Variants in JDP2 observed in about 807,000 individuals in gnomAD.
JDP2 encodes the protein progesterone receptor co-activator.
A neutral mutation model predicts 17.1 loss-of-function variants in JDP2; 9 were observed. The observed-to-expected ratio is 0.53, with a 90% CI of 0.32 to 0.92. JDP2 has a LOEUF of 0.92. Ranked by LOEUF, JDP2 falls within the 40% of genes least tolerant of loss-of-function variation. The probability of loss-of-function intolerance (pLI) is 0.04; values close to 1 mark genes in which losing one functional copy is unlikely to be tolerated. For missense variants in JDP2, 179 were observed against 220.0 expected, an observed-to-expected ratio of 0.81 and a Z score of 1.18; for synonymous variants, 107 against 95.6, an observed-to-expected ratio of 1.12 and a Z score of -0.69.
At chr14:75,439,870 A>T (rs1125773) in intron 2 of JDP2, among the ~76,000 whole-genome samples, 2 of 152,038 alleles carry the variant, frequency 1.3e-5, no homozygotes, top group East Asian at 3.9e-4. Context: ...ATTTAGAGCC[A>T]GTAGCTGAGC....
At chr14:75,459,963 C>G (rs1008696620) in intron 2 of JDP2, among the ~76,000 whole-genome samples, 1 of 152,178 alleles carries the variant, frequency 6.6e-6, no homozygotes, top group Non-Finnish European at 1.5e-5. Context: ...GTTGTATGGC[C>G]TTGGGCAAAT....
chr14:75,447,826 T>C (rs1238664871), intron 2 of JDP2, among the ~76,000 whole-genome samples: 2 of 152,034 alleles, frequency 1.3e-5, no homozygotes, highest in Non-Finnish European at 2.9e-5. Context: ...CCTGGCTAAT[T>C]TTTGTATTTT....
At chr14:75,431,185 C>T (rs913988921) in intron 1 of JDP2, among the ~76,000 whole-genome samples, 8 of 152,206 alleles carry the variant, frequency 5.3e-5, no homozygotes, top group East Asian at 1.9e-4. Context: ...GTTGTACGCT[C>T]CCAGCTTCCT....
At chr14:75,443,545 A>G (rs1363545504) in intron 2 of JDP2, among the ~76,000 whole-genome samples, 2 of 151,968 alleles carry the variant, frequency 1.3e-5, no homozygotes, top group Non-Finnish European at 2.9e-5. Context: ...TTGTTAGCAC[A>G]TTTTCGAAAG....
At position 75,473,405 on chromosome 14, in the gene JDP2, G is replaced by A. The variant is rs552764385; in HGVS notation, c.*3930G>A. On this transcript the variant is annotated 3_prime_UTR_variant, in exon 4 of 4. Coordinates refer to ENST00000651602, the MANE Select transcript of JDP2 (RefSeq NM_001135048.2). Reference sequence around the variant, plus strand: ...AGATATGCTGCCAGTGAGAAACTGTGCAAAGCAATTTGGAAATAACCAGTA... The same window carrying A: ...AGATATGCTGCCAGTGAGAAACTGTACAAAGCAATTTGGAAATAACCAGTA... The A allele has an allele frequency of 2.0e-5, 3 of 152,130 alleles. No homozygotes were observed. The highest frequency in any genetic ancestry group is 4.4e-5 in the Non-Finnish European group (3 of 68,018). The allele number at this position is 152,130 out of a possible 1,614,324, so 9.4% of individuals were successfully genotyped here. A position where few individuals can be genotyped will look rare whatever the true frequency, so the allele number is the denominator to read the frequency against.
At chr14:75,448,714 C>T (rs1885718852) in intron 2 of JDP2, among the ~76,000 whole-genome samples, 1 of 152,196 alleles carries the variant, frequency 6.6e-6, no homozygotes, top group Non-Finnish European at 1.5e-5. Context: ...CGCTGCCGAG[C>T]TTGTCAATAG....
At chr14:75,452,927 TAAG>T (rs1035955091) in intron 2 of JDP2, among the ~76,000 whole-genome samples, 2 of 152,194 alleles carry the variant, frequency 1.3e-5, no homozygotes, top group Non-Finnish European at 2.9e-5. Context: ...GGCCACTGAG[TAAG>T]AAGGCCTGGC....
chr14:75,433,714 C>T (rs1384802540), intron 1 of JDP2, among the ~76,000 whole-genome samples: 2 of 152,104 alleles, frequency 1.3e-5, no homozygotes, highest in East Asian at 1.9e-4. Context: ...GCTAGTCAGT[C>T]GCCATCTTGG....
intron 2 of JDP2, among the ~76,000 whole-genome samples, chr14:75,444,191 A>G (rs1475756000): frequency 6.6e-6 from 1 of 152,234 alleles, no homozygotes; most frequent in Non-Finnish European, 1.5e-5. Context: ...GGCGTGAGCC[A>G]CCAACCCCTG....
chr14:75,457,522 G>A (rs564023385), intron 2 of JDP2, among the ~76,000 whole-genome samples: 1 of 152,376 alleles, frequency 6.6e-6, no homozygotes, highest in South Asian at 2.1e-4. Context: ...AGGATTTAGG[G>A]GTGATGCAGC....
At chr14:75,459,244 C>T (rs1337244183) in intron 2 of JDP2, among the ~76,000 whole-genome samples, 2 of 152,218 alleles carry the variant, frequency 1.3e-5, no homozygotes, top group African/African-American at 4.8e-5. Context: ...CTCTGCCTGT[C>T]GTCACGGTTA....
At chr14:75,432,088 T>C (rs1884824981) in intron 1 of JDP2, 1 of 576,146 alleles carries the variant, frequency 1.7e-6, no homozygotes, top group African/African-American at 1.9e-5. Flanking sequence ...AAACCGCCAC[T>C]CTTAACCCCC....
intron 1 of JDP2, among the ~76,000 whole-genome samples, chr14:75,436,263 C>G (rs139558068): frequency 6.6e-6 from 1 of 152,176 alleles, no homozygotes; most frequent in Non-Finnish European, 1.5e-5. Flanking sequence ...GTGGGTCACC[C>G]TCCAAGGCCA....
Position 75,472,165 on chromosome 14 carries a change from G to A in JDP2, c.*2690G>A, listed in dbSNP as rs1310130749. The A allele has an allele frequency of 6.6e-6, 1 of 152,230 alleles. No individual in the cohort carries two copies. The highest frequency in any genetic ancestry group is 2.4e-5 in the African/African-American group (1 of 41,448). 9.4% of individuals were successfully genotyped at this position (152,230 alleles called of 1,614,324 possible). On this transcript the variant is annotated 3_prime_UTR_variant, in exon 4 of 4. Transcript: ENST00000651602. ...GAGCCAGCATTTGAGTTTCTTCTGG[G>A]CACCTGCCACTGTGCATGTGTGACC...
intron 3 of JDP2, among the ~76,000 whole-genome samples, chr14:75,463,858 T>C (rs1387065371): frequency 6.6e-6 from 1 of 152,170 alleles, no homozygotes; most frequent in East Asian, 1.9e-4. Context: ...TAGTAGCCCC[T>C]TCCTTCACTC....
intron 2 of JDP2, among the ~76,000 whole-genome samples, chr14:75,448,649 C>T (rs781582067): frequency 9.2e-5 from 14 of 152,246 alleles, no homozygotes; most frequent in Non-Finnish European, 1.3e-4. Context: ...ATTTCCATGT[C>T]TTGAGATGCT....
In JDP2 at chr14:75,456,256, CTG is replaced by C. The variant is rs200384974; in HGVS notation, c.202-5167_202-5166del. On this transcript the variant is annotated intron_variant, in intron 2 of 3. Transcript: ENST00000651602. Reference sequence around the variant, plus strand: ...TGTCTTCTGTTGATTGTTCCTCTGTCTGTGCCGTTGGCTTCTGTCCACATCTC... The same window carrying C: ...TGTCTTCTGTTGATTGTTCCTCTGTCTGCCGTTGGCTTCTGTCCACATCTC... 2.6e-3 allele frequency among the ~76,000 whole-genome samples: 400 copies of C among 152,360 alleles called. 1 individual carries two copies. Among genetic ancestry groups the C allele is most frequent in the African/African-American group, 9.3e-3 (388 of 41,586 alleles).
Position 75,469,339 on chromosome 14 carries a change from A to T in JDP2, c.356A>T (p.Glu119Val). Residue 119 changes from glutamate to valine, a missense_variant, in exon 4 of 4, where the codon GAG becomes GTG. Physicochemically the swap from Glu to Val is moderately radical, Grantham distance 121. Coordinates refer to ENST00000651602, the MANE Select transcript of JDP2 (RefSeq NM_001135048.2). ...LMNAELKTQI[E>V]ELKQERQQLI... ...AACGCAGAGCTGAAGACCCAGATTGAGGAGCTGAAGCAGGAGCGGCAGCAG... is the reference window on the plus strand; with the variant it reads ...AACGCAGAGCTGAAGACCCAGATTGTGGAGCTGAAGCAGGAGCGGCAGCAG... 6.2e-7 allele frequency: 1 copy of T among 1,614,194 alleles called. No homozygotes were observed. Among genetic ancestry groups the T allele is most frequent in the Non-Finnish European group, 8.5e-7 (1 of 1,180,026 alleles).
chr14:75,432,366 AC>A, intron 1 of JDP2: 1 of 1,548,212 alleles, frequency 6.5e-7, no homozygotes, highest in Non-Finnish European at 8.7e-7. Context: ...CTGGCCTGGC[AC>A]CTTTCTGACC....
Sources: gnomAD v4.1 joint callset for allele counts (sites outside exome capture counted in the v4.1 genomes callset) on GRCh38, gnomAD v4.1.1 for gene constraint, MANE v1.5 for transcripts, NCBI Gene and HGNC (gene_info 2026-07-23, HGNC 2026-07-21) for gene names.